The following MID1 variants were observed in gnomAD, a reference collection of about 807,000 sequenced individuals.
MID1 encodes the protein midline 1, also known as E3 ubiquitin-protein ligase Midline-1.
Under a neutral mutation model 40.4 loss-of-function variants are expected in MID1, and 7 were observed. That is an observed-to-expected ratio of 0.17 (90% CI 0.10 to 0.33). The LOEUF (loss-of-function observed/expected upper bound fraction) is 0.33. MID1 is among the 10% of genes least tolerant of loss of function. The pLI is 1.00. For missense variants in MID1, 367 were observed against 558.5 expected, an observed-to-expected ratio of 0.66 and a Z score of 3.46; for synonymous variants, 229 against 221.2, an observed-to-expected ratio of 1.04 and a Z score of -0.31.
At chrX:10,629,310 G>A (rs1936027913) in intron 1 of MID1, among the ~76,000 whole-genome samples, 1 of 110,188 alleles carries the variant, frequency 9.1e-6, no homozygotes, top group African/African-American at 3.3e-5. Flanking sequence ...CTATTCTCCA[G>A]CCTCAGCCAC....
At chrX:10,549,766 G>A (rs758159716) in intron 2 of MID1, among the ~76,000 whole-genome samples, 131 of 113,012 alleles carry the variant, frequency 1.2e-3, no homozygotes, top group South Asian at 2.2e-3. Context: ...CATTGGGCTG[G>A]GCTTCTGCCC....
intron 1 of MID1, among the ~76,000 whole-genome samples, chrX:10,713,715 T>G (rs760463069): frequency 2.4e-4 from 27 of 111,975 alleles, no homozygotes; most frequent in African/African-American, 8.8e-4. Flanking sequence ...ACTAAAGATA[T>G]AAAGTTTGGG....
intron 1 of MID1, among the ~76,000 whole-genome samples, chrX:10,734,549 G>T (rs1388613153): frequency 1.0e-5 from 1 of 99,752 alleles, no homozygotes; most frequent in Non-Finnish European, 2.0e-5. Context: ...TAAAATAAAA[G>T]TTAAAAAAAA....
At chrX:10,633,865 G>T (rs998582748) in intron 1 of MID1, among the ~76,000 whole-genome samples, 12 of 111,629 alleles carry the variant, frequency 1.1e-4, no homozygotes, top group African/African-American at 3.9e-4. Context: ...TAGATGAAAA[G>T]ATTTCCTCCC....
At position 10,762,706 on chromosome X, in the gene MID1, A is replaced by T. The variant is rs756669913; in HGVS notation, c.-187+70848T>A. 6.3e-5 allele frequency among the ~76,000 whole-genome samples: 7 copies of T among 111,579 alleles called. No individual in the cohort carries two copies. The Admixed American group carries it at 6.7e-4, about 11-fold the overall frequency. On this transcript the variant is annotated intron_variant, in intron 1 of 10. Transcript: ENST00000380785. Reference sequence around the variant, plus strand: ...CGCCTTGGCCTCCCAAAGTGCTAGGATTACAGGTGTGAGCCACTGTGCCTG... The same window carrying T: ...CGCCTTGGCCTCCCAAAGTGCTAGGTTTACAGGTGTGAGCCACTGTGCCTG...
At chrX:10,735,394 G>A (rs2043481269) in intron 1 of MID1, among the ~76,000 whole-genome samples, 1 of 111,826 alleles carries the variant, frequency 8.9e-6, no homozygotes, top group East Asian at 2.9e-4. Context: ...GAGCCACCGT[G>A]CCTGGCCTAT....
At chrX:10,452,058 T>C (rs767459048) in intron 9 of MID1, among the ~76,000 whole-genome samples, 5 of 112,081 alleles carry the variant, frequency 4.5e-5, no homozygotes, top group Non-Finnish European at 7.5e-5. Context: ...TCTGTATTGT[T>C]TCCTTCTTGT....
At chrX:10,627,853 T>C (rs1440117452) in intron 1 of MID1, among the ~76,000 whole-genome samples, 1 of 112,099 alleles carries the variant, frequency 8.9e-6, no homozygotes, top group African/African-American at 3.2e-5. Context: ...CAAAAGAAGC[T>C]TTGAACAGGA....
At chrX:10,524,304 AG>A (rs1932787533) in intron 2 of MID1, among the ~76,000 whole-genome samples, 1 of 111,830 alleles carries the variant, frequency 8.9e-6, no homozygotes, top group South Asian at 3.8e-4. Flanking sequence ...CTTGATTGCC[AG>A]GGGTGTCCAA....
In MID1 at chrX:10,451,008, T is replaced by TA. The variant is rs199893011; in HGVS notation, c.1656-1293dup. Among the ~76,000 whole-genome samples the TA allele has an allele frequency of 2.4e-3, 269 of 111,789 alleles. 1 individual carries two copies. Among genetic ancestry groups the TA allele is most frequent in the African/African-American group, 7.1e-3 (220 of 30,792 alleles). Reference sequence around the variant, plus strand: ...GGGTCTTTAATAAAATGACATTCTTTAAAAAAAATCACACTGGACTTAAAA... The same window carrying TA: ...GGGTCTTTAATAAAATGACATTCTTTAAAAAAAAATCACACTGGACTTAAAA... On this transcript the variant is annotated intron_variant, in intron 9 of 9. Coordinates refer to ENST00000317552, the MANE Select transcript of MID1 (RefSeq NM_000381.4).
intron 1 of MID1, among the ~76,000 whole-genome samples, chrX:10,673,815 C>G (rs2043004838): frequency 9.0e-6 from 1 of 111,322 alleles, no homozygotes; most frequent in African/African-American, 3.3e-5. Flanking sequence ...ATTCCATCAT[C>G]TTTAAAATGG....
At chrX:10,578,890 T>C (rs1427930204) in intron 1 of MID1, among the ~76,000 whole-genome samples, 7 of 112,477 alleles carry the variant, frequency 6.2e-5, no homozygotes, top group Non-Finnish European at 1.3e-4. Flanking sequence ...CTTTCTCAAA[T>C]GTATTTATAG....
At chrX:10,739,055 T>G (rs777051804) in intron 1 of MID1, among the ~76,000 whole-genome samples, 1 of 111,847 alleles carries the variant, frequency 8.9e-6, no homozygotes, top group Non-Finnish European at 1.9e-5. Flanking sequence ...GCACCTTCCT[T>G]GATTCAAGCG....
chrX:10,546,296 T>C (rs1050886065), intron 2 of MID1, among the ~76,000 whole-genome samples: 1 of 112,633 alleles, frequency 8.9e-6, no homozygotes, highest in East Asian at 2.8e-4. Flanking sequence ...AGCTGTAAAA[T>C]GAAGAACAGT....
chrX:10,655,131 C>T (rs193281703), intron 1 of MID1, among the ~76,000 whole-genome samples: 12 of 111,744 alleles, frequency 1.1e-4, no homozygotes, highest in African/African-American at 3.2e-4. Flanking sequence ...AAGTTGCCTT[C>T]CATGTAACAT....
chrX:10,816,428 G>A (rs1405662046), intron 1 of MID1, among the ~76,000 whole-genome samples: 2 of 112,189 alleles, frequency 1.8e-5, no homozygotes, highest in African/African-American at 6.5e-5. Flanking sequence ...GGAAACGTGT[G>A]TCTCCATAGC....
chrX:10,528,902 A>T (rs1023566955), intron 2 of MID1, among the ~76,000 whole-genome samples: 1 of 111,462 alleles, frequency 9.0e-6, no homozygotes, highest in Admixed American at 9.6e-5. Context: ...CAGCATTTTG[A>T]CTCGTAGATA....
intron 1 of MID1, among the ~76,000 whole-genome samples, chrX:10,643,267 T>C (rs1322471308): frequency 1.8e-5 from 2 of 111,693 alleles, no homozygotes; most frequent in Admixed American, 9.5e-5. Flanking sequence ...TCTACCCATC[T>C]GACAAAGGGC....
intron 7 of MID1, among the ~76,000 whole-genome samples, chrX:10,468,607 A>G (rs1929517226): frequency 8.9e-6 from 1 of 111,860 alleles, no homozygotes; most frequent in Non-Finnish European, 1.9e-5. Flanking sequence ...CTTCTGGTCC[A>G]TTGCCATTTG....
Sources: allele counts gnomAD v4.1 joint callset (sites outside exome capture counted in the v4.1 genomes callset), GRCh38; gene constraint gnomAD v4.1.1; transcripts MANE v1.5; gene names NCBI Gene and HGNC (gene_info 2026-07-23, HGNC 2026-07-21).